Variants in EFEMP2 observed in about 807,000 individuals in gnomAD.
The protein encoded by EFEMP2 is EGF-containing fibulin-like extracellular matrix protein 2.
EFEMP2 carries 21 observed loss-of-function variants against 55.3 expected under a neutral mutation model. The ratio of observed to expected loss-of-function variants is 0.38; its 90% CI spans 0.27 to 0.55. The LOEUF is 0.55. Among genes scored for constraint, EFEMP2 ranks in the 20% least tolerant of loss-of-function variants. The probability of loss-of-function intolerance (pLI) is 0.77; values close to 1 mark genes in which losing one functional copy is unlikely to be tolerated. For synonymous variants in EFEMP2, 275 were observed against 242.3 expected (o/e 1.14, Z -1.25); for missense variants, 513 against 615.1 (o/e 0.83, Z 1.76).
At chr11:65,867,234 C>T (rs1040511933) in intron 10 of EFEMP2, 155 bp from the exon 11 acceptor site, 10 of 799,536 alleles carry the variant, frequency 1.3e-5, no homozygotes, top group African/African-American at 5.1e-5. Context: ...TTGACACCCT[C>T]GATGTCTCTC....
In EFEMP2 at chr11:65,867,016, C is replaced by G. The variant is rs146879673; in HGVS notation, c.1234G>C (p.Val412Leu). ...ARPVTGPREY[V>L]LDLEMVTMNS... The stretch of plus-strand genomic sequence containing the variant: ...ATGGTGACCATCTCCAGGTCCAGCA[C>G]GTACTCCCGGGGGCCCGTCACCGGC... Residue 412 changes from valine to leucine, a missense_variant, in exon 11 of 11, where the codon GTG (valine) becomes CTG (leucine). Transcript: ENST00000307998. The G allele has an allele frequency of 6.2e-6, 10 of 1,614,172 alleles. No homozygotes were observed. Among genetic ancestry groups the G allele is most frequent in the Non-Finnish European group, 4.2e-6 (5 of 1,180,026 alleles).
chr11:65,872,563 C>CCGCCCCG (rs2134754169), intron 1 of EFEMP2, 120 bp downstream of exon 1: 1 of 418,028 alleles, frequency 2.4e-6, no homozygotes, highest in African/African-American at 2.2e-5. Context: ...CACCCCGCCC[C>CCGCCCCG]CGCCCCGCGC....
chr11:65,867,397 C>A (rs756546270), intron 10 of EFEMP2: 2 of 490,280 alleles, frequency 4.1e-6, no homozygotes, highest in Non-Finnish European at 7.4e-6. Context: ...AGTGAGCAGA[C>A]TCCCTTCAGA....
At position 65,867,047 on chromosome 11, in the gene EFEMP2, G is replaced by A. The variant is rs374950957; in HGVS notation, c.1203C>T (p.Leu401=). The A allele has an allele frequency of 2.8e-5, 46 of 1,614,056 alleles. No individual in the cohort carries two copies. Among genetic ancestry groups the A allele is most frequent in the Admixed American group, 3.3e-5 (2 of 60,008 alleles). Residue 401 remains leucine (L), a synonymous_variant, in exon 11 of 11, where the codon CTC becomes CTT. Transcript: ENST00000307998. ...QINNVSAMLV[L]ARPVTGPREY... is the part of the protein sequence containing the mutation. ...CCCGGGGGCCCGTCACCGGCCGGGCGAGGACCAGCATGGCGCTGACGTTGT... is the reference window on the plus strand; with the variant it reads ...CCCGGGGGCCCGTCACCGGCCGGGCAAGGACCAGCATGGCGCTGACGTTGT...
At chr11:65,868,657 G>A (rs761154932) in intron 7 of EFEMP2, 28 bp from the exon 8 acceptor site, 16 of 1,613,182 alleles carry the variant, frequency 9.9e-6, no homozygotes, top group East Asian at 4.5e-5. Flanking sequence ...TGGGGACCCC[G>A]GGTCAAGGGC....
In EFEMP2 at chr11:65,866,739, G is replaced by T. The variant is rs1386262110; in HGVS notation, c.*179C>A. On this transcript the variant is annotated 3_prime_UTR_variant, in exon 11 of 11. Transcript: ENST00000307998. The stretch of plus-strand genomic sequence containing the variant: ...TGAACATATAGAGACCCCCATTTAG[G>T]TGAACTTGGCCTGCCCCCCCAAGTG... 1.1e-5 allele frequency: 9 copies of T among 800,194 alleles called. No homozygotes were observed. The highest frequency in any genetic ancestry group is 7.2e-5 in the South Asian group (5 of 69,552). 49.6% of individuals were successfully genotyped at this position (800,194 alleles called of 1,614,324 possible).
At chr11:65,872,482 T>C (rs1859983190) in intron 1 of EFEMP2, 121 bp from the exon 2 acceptor site, 1 of 686,440 alleles carries the variant, frequency 1.5e-6, no homozygotes, top group Non-Finnish European at 2.5e-6. Flanking sequence ...CCTCGGGGCC[T>C]CCCAGGGCTG....
At position 65,866,519 on chromosome 11, in the gene EFEMP2, CAG is replaced by C; in HGVS notation, c.*397_*398del. ...GCTTATCCAAATGTACAGTTTGAGGCAGAGTTAGGAATGGAACCCAGGGCCTC... is the reference window on the plus strand; with the variant it reads ...GCTTATCCAAATGTACAGTTTGAGGCAGTTAGGAATGGAACCCAGGGCCTC... On this transcript the variant is annotated 3_prime_UTR_variant, in exon 11 of 11. Coordinates refer to ENST00000307998, the MANE Select transcript of EFEMP2 (RefSeq NM_016938.5). 2.8e-6 allele frequency: 2 copies of C among 702,840 alleles called. No homozygotes were observed. Among genetic ancestry groups the C allele is most frequent in the Non-Finnish European group, 2.6e-6 (1 of 384,994 alleles). 43.5% of individuals were successfully genotyped at this position (702,840 alleles called of 1,614,324 possible). A position where few individuals can be genotyped will look rare whatever the true frequency, so the allele number is the denominator to read the frequency against.
Position 65,866,482 on chromosome 11 carries a change from G to A in EFEMP2, c.*436C>T, listed in dbSNP as rs543751370. 1 of 702,468 alleles carries A rather than the reference G, an allele frequency of 1.4e-6. No individual in the cohort carries two copies. Among genetic ancestry groups the A allele is most frequent in the Admixed American group, 2.0e-5 (1 of 50,012 alleles). The allele number at this position is 702,468 out of a possible 1,614,324, so 43.5% of individuals were successfully genotyped here. On this transcript the variant is annotated 3_prime_UTR_variant, in exon 11 of 11. Coordinates refer to ENST00000307998, the MANE Select transcript of EFEMP2 (RefSeq NM_016938.5). ...TCGTTTTATAGAAAAACAGGCCCAG[G>A]GAACTACTAGGGCTTATCCAAATGT...
chr11:65,869,441 A>G, intron 7 of EFEMP2: 1 of 280,840 alleles, frequency 3.6e-6, no homozygotes, highest in Non-Finnish European at 7.1e-6. Flanking sequence ...GTGGCAGTTC[A>G]TTCACTTTAA....
At chr11:65,870,880 G>A in intron 4 of EFEMP2, 1 of 730,586 alleles carries the variant, frequency 1.4e-6, no homozygotes, top group Non-Finnish European at 2.3e-6. Flanking sequence ...TTCCTGGACT[G>A]TCCTTCCTCC....
chr11:65,872,125 T>C lies in EFEMP2; in HGVS notation c.112-107A>G, dbSNP rs779895353. ...CCACCCTCCGGCCTGCTCCAAACAA[T>C]GGCCCCCAGCTCTCCACCAGCCAGG... On this transcript the variant is annotated intron_variant, in intron 2 of 10. Coordinates refer to ENST00000307998, the MANE Select transcript of EFEMP2 (RefSeq NM_016938.5). 7 of 1,510,928 alleles carry C rather than the reference T, an allele frequency of 4.6e-6. No individual in the cohort carries two copies. In the Admixed American group the frequency reaches 5.9e-5, roughly 13 times the overall value. 93.6% of individuals were successfully genotyped at this position (1,510,928 alleles called of 1,614,324 possible). A position where few individuals can be genotyped will look rare whatever the true frequency, so the allele number is the denominator to read the frequency against.
Position 65,872,736 on chromosome 11 carries a change from G to T in EFEMP2, c.-61C>A, listed in dbSNP as rs1419620044. On this transcript the variant is annotated 5_prime_UTR_variant, in exon 1 of 11. Coordinates refer to ENST00000307998, the MANE Select transcript of EFEMP2 (RefSeq NM_016938.5). ...GGCTCTGGCGGCTCGGCTGGCTCGG[G>T]CAATGCCTGCGGGCAGACGGACGGG... 8.8e-6 allele frequency: 3 copies of T among 341,502 alleles called. No homozygotes were observed. The highest frequency in any genetic ancestry group is 1.9e-3 in the Middle Eastern group (2 of 1,036). The allele number at this position is 341,502 out of a possible 1,614,324, so 21.2% of individuals were successfully genotyped here.
At chr11:65,872,549 C>A (rs966986908) in intron 1 of EFEMP2, 134 bp downstream of exon 1, 7 of 461,548 alleles carry the variant, frequency 1.5e-5, no homozygotes, top group African/African-American at 1.5e-4. Context: ...CCACCCGCCC[C>A]GGCCACCCCG....
chr11:65,872,095 C>T, intron 2 of EFEMP2, 77 bp from the exon 3 acceptor site: 1 of 1,538,170 alleles, frequency 6.5e-7, no homozygotes, highest in Non-Finnish European at 8.8e-7. Context: ...AGGGCCTGAG[C>T]CTGGCCACCC....
intron 7 of EFEMP2, chr11:65,868,973 G>C: frequency 2.8e-6 from 1 of 352,834 alleles, no homozygotes; most frequent in Non-Finnish European, 5.5e-6. Context: ...TATGGGTCTG[G>C]CTTGTGCTGT....
intron 7 of EFEMP2, chr11:65,868,881 T>C (rs1859914150): frequency 9.7e-6 from 5 of 515,040 alleles, no homozygotes; most frequent in Admixed American, 9.6e-5. Context: ...ATCTAGAGGC[T>C]TGGGTGTGAA....
At chr11:65,868,099 G>A (rs557833774) in intron 9 of EFEMP2, 43 bp from the exon 10 acceptor site, 34 of 1,600,856 alleles carry the variant, frequency 2.1e-5, no homozygotes, top group East Asian at 6.7e-5. Flanking sequence ...CTCCTTGCCC[G>A]TCCCCCCAAT....
intron 7 of EFEMP2, chr11:65,868,841 C>A: frequency 1.7e-6 from 1 of 603,816 alleles, no homozygotes; most frequent in Non-Finnish European, 2.9e-6. Context: ...CTGCCCAGAA[C>A]TGGAAGAAAC....
Sources: allele counts gnomAD v4.1 joint callset, GRCh38; gene constraint gnomAD v4.1.1; transcripts MANE v1.5; gene names NCBI Gene and HGNC (gene_info 2026-07-23, HGNC 2026-07-21).